The following SNTG2 variants were observed in gnomAD, a reference collection of about 807,000 sequenced individuals.
The protein encoded by SNTG2 is gamma-2-syntrophin.
SNTG2 carries 74 observed loss-of-function variants against 70.9 expected under a neutral mutation model. The observed-to-expected ratio is 1.04, with a 90% CI of 0.86 to 1.27. SNTG2 has a LOEUF of 1.27. Ranked by LOEUF, SNTG2 falls within the 50% of genes most tolerant of loss-of-function variation. The probability of loss-of-function intolerance (pLI) is 0.00; values close to 1 mark genes in which losing one functional copy is unlikely to be tolerated. For synonymous variants in SNTG2, 278 were observed against 273.8 expected, an observed-to-expected ratio of 1.02 and a Z score of -0.15; for missense variants, 717 against 690.7, an observed-to-expected ratio of 1.04 and a Z score of -0.43.
intron 4 of SNTG2, among the ~76,000 whole-genome samples, chr2:1,112,976 T>G (rs556658516): frequency 1.0e-5 from 1 of 96,606 alleles, no homozygotes; most frequent in African/African-American, 5.1e-5. Context: ...TTTTGTGTAC[T>G]AAGTGAGGTT....
At chr2:1,230,273 G>C (rs1271356436) in intron 9 of SNTG2, among the ~76,000 whole-genome samples, 2 of 152,182 alleles carry the variant, frequency 1.3e-5, no homozygotes, top group Non-Finnish European at 2.9e-5. Flanking sequence ...TGACCTGCCT[G>C]GTATATCAGA....
Position 1,149,206 on chromosome 2 carries a change from TGTGA to T in SNTG2, c.411+11399_411+11402del, listed in dbSNP as rs1386067463. 1.4e-3 allele frequency among the ~76,000 whole-genome samples: 10 copies of T among 6,984 alleles called. No individual in the cohort carries two copies. The East Asian group carries it at 0.023, about 16-fold the overall frequency. The allele number at this position is 6,984 out of a possible 152,430, so 4.6% of individuals were successfully genotyped here. On this transcript the variant is annotated intron_variant, in intron 6 of 16. Transcript: ENST00000308624. ...TTCTTGTCGGACGTGTGTGTGTGTG[TGTGA>T]GAGAGAGACACACACACACGGGGAG...
intron 2 of SNTG2, among the ~76,000 whole-genome samples, chr2:1,085,118 T>C (rs979647647): frequency 6.6e-6 from 1 of 152,236 alleles, no homozygotes; most frequent in Non-Finnish European, 1.5e-5. Context: ...TCTGCTTTTA[T>C]GTCGTCTAAT....
At chr2:991,549 T>G (rs1369377990) in intron 1 of SNTG2, among the ~76,000 whole-genome samples, 1 of 152,198 alleles carries the variant, frequency 6.6e-6, no homozygotes, top group East Asian at 1.9e-4. Context: ...GTTATAGTTT[T>G]GACCTAATAC....
At chr2:1,252,389 G>A (rs1677822261) in intron 12 of SNTG2, among the ~76,000 whole-genome samples, 1 of 152,182 alleles carries the variant, frequency 6.6e-6, no homozygotes, top group Non-Finnish European at 1.5e-5. Context: ...TGTAAAATGA[G>A]AATAGAGGAC....
intron 16 of SNTG2, among the ~76,000 whole-genome samples, chr2:1,336,998 A>T (rs1659849456): frequency 6.6e-6 from 1 of 152,136 alleles, no homozygotes; most frequent in Non-Finnish European, 1.5e-5. Context: ...CAAACATGTC[A>T]TTGGAATTTT....
chr2:1,245,397 CTT>C (rs1204137404), intron 11 of SNTG2, among the ~76,000 whole-genome samples: 1 of 152,214 alleles, frequency 6.6e-6, no homozygotes, highest in African/African-American at 2.4e-5. Context: ...AATGTGAACT[CTT>C]TTCTTGCTGA....
At chr2:1,304,976 G>A (rs190670037) in intron 14 of SNTG2, among the ~76,000 whole-genome samples, 122 of 151,706 alleles carry the variant, frequency 8.0e-4, no homozygotes, top group African/African-American at 2.8e-3. Context: ...TTTATGTTTC[G>A]GTCACTTGTG....
intron 8 of SNTG2, among the ~76,000 whole-genome samples, chr2:1,199,147 A>C (rs1558521049): frequency 2.1e-5 from 2 of 96,870 alleles, no homozygotes; most frequent in Non-Finnish European, 4.4e-5. Flanking sequence ...AAACTAGCAG[A>C]CCTAATCCAA....
intron 1 of SNTG2, among the ~76,000 whole-genome samples, chr2:988,612 A>C (rs982647963): frequency 2.6e-5 from 4 of 152,152 alleles, no homozygotes; most frequent in African/African-American, 9.7e-5. Flanking sequence ...TTGTGAATAA[A>C]GTGGCTGTGG....
intron 16 of SNTG2, among the ~76,000 whole-genome samples, chr2:1,362,503 CGCTG>C (rs1661240189): frequency 8.2e-6 from 1 of 121,448 alleles, no homozygotes; most frequent in Admixed American, 8.5e-5. Context: ...AGGTCACCGA[CGCTG>C]AGCATTTCAG....
chr2:998,342 A>G (rs1661759881), intron 1 of SNTG2, among the ~76,000 whole-genome samples: 1 of 152,152 alleles, frequency 6.6e-6, no homozygotes, highest in South Asian at 2.1e-4. Flanking sequence ...CAAACTATTG[A>G]TTCTAGAGAA....
intron 9 of SNTG2, among the ~76,000 whole-genome samples, chr2:1,220,819 T>C (rs923829977): frequency 6.6e-6 from 1 of 152,212 alleles, no homozygotes; most frequent in Admixed American, 6.5e-5. Context: ...CACCCGGCAG[T>C]TCTGGTGGGG....
chr2:1,159,239 GTGTGTGTGTATGCAGGTGTGTGTGCA>G (rs1449110038), intron 6 of SNTG2: 53 of 151,074 alleles, frequency 3.5e-4, no homozygotes, highest in African/African-American at 1.2e-3. Flanking sequence ...GTGTGAGTGT[GTGTGTGTGTATGCAGGTGTGTGTGCA>G]TGTGTGTGTA....
At chr2:959,400 G>T (rs1419528821) in intron 1 of SNTG2, among the ~76,000 whole-genome samples, 3 of 152,162 alleles carry the variant, frequency 2.0e-5, no homozygotes, top group African/African-American at 7.2e-5. Flanking sequence ...ATCAAATTTT[G>T]TCGTGACCTA....
chr2:1,127,656 A>T (rs569877298), intron 4 of SNTG2, among the ~76,000 whole-genome samples: 30 of 151,838 alleles, frequency 2.0e-4, no homozygotes, highest in Non-Finnish European at 1.6e-4. Context: ...CCTTGTAGGG[A>T]TCTTCCATAT....
At chr2:1,028,214 G>A (rs1211197290) in intron 1 of SNTG2, among the ~76,000 whole-genome samples, 2 of 147,874 alleles carry the variant, frequency 1.4e-5, no homozygotes, top group Non-Finnish European at 2.9e-5. Context: ...GTTGAGTAAA[G>A]AGGTAAGCAG....
At chr2:1,092,347 G>A (rs1209027196) in intron 2 of SNTG2, among the ~76,000 whole-genome samples, 1 of 152,106 alleles carries the variant, frequency 6.6e-6, no homozygotes, top group Non-Finnish European at 1.5e-5. Context: ...TGAGGAGTAA[G>A]ACCTCCAGGG....
intron 16 of SNTG2, among the ~76,000 whole-genome samples, chr2:1,336,528 A>G (rs1659826245): frequency 6.6e-6 from 1 of 152,174 alleles, no homozygotes; most frequent in African/African-American, 2.4e-5. Context: ...CCAAAACATC[A>G]TTGCCCAGAC....
Sources: allele counts gnomAD v4.1 joint callset (sites outside exome capture counted in the v4.1 genomes callset), GRCh38; gene constraint gnomAD v4.1.1; transcripts MANE v1.5; gene names NCBI Gene and HGNC (gene_info 2026-07-23, HGNC 2026-07-21).